LIN52: variants seen among roughly 807,000 people sequenced by gnomAD.
LIN52 encodes the protein lin-52 DREAM MuvB core complex component.
In LIN52, 4 loss-of-function variants were observed where a neutral mutation model predicts 18.5. The ratio of observed to expected loss-of-function variants is 0.22; its 90% CI spans 0.11 to 0.49. The LOEUF is 0.49. LIN52 is among the 20% of genes least tolerant of loss of function. The probability of loss-of-function intolerance (pLI) is 0.97; values close to 1 mark genes in which losing one functional copy is unlikely to be tolerated. For missense variants in LIN52, 102 were observed against 139.5 expected (o/e 0.73, Z 1.35); for synonymous variants, 34 against 45.5 (o/e 0.75, Z 1.02).
At chr14:74,097,750 T>C in intron 3 of LIN52, 44 bp from the exon 4 acceptor site, 1 of 1,409,174 alleles carries the variant, frequency 7.1e-7, no homozygotes, top group Non-Finnish European at 1.0e-6. Flanking sequence ...TAGGGTCTCC[T>C]CACACTTTTT....
chr14:74,160,915 G>A (rs1374926331), intron 5 of LIN52, among the ~76,000 whole-genome samples: 1 of 152,098 alleles, frequency 6.6e-6, no homozygotes, highest in Admixed American at 6.5e-5. Context: ...TTATAATCAG[G>A]TTATTTCATC....
At chr14:74,089,868 T>C (rs376788022) in intron 1 of LIN52, among the ~76,000 whole-genome samples, 37 of 152,260 alleles carry the variant, frequency 2.4e-4, no homozygotes, top group East Asian at 1.5e-3. Flanking sequence ...CTTGTCTGTG[T>C]GCACTCAATC....
At chr14:74,166,353 A>T (rs2061249902) in intron 5 of LIN52, among the ~76,000 whole-genome samples, 2 of 151,756 alleles carry the variant, frequency 1.3e-5, no homozygotes, top group South Asian at 4.2e-4. Context: ...AGTAGCTGGG[A>T]TTATAGACAT....
chr14:74,104,715 A>G lies in LIN52; in HGVS notation c.283+3477A>G, dbSNP rs147513502. 7.4e-3 allele frequency among the ~76,000 whole-genome samples: 1,122 copies of G among 151,820 alleles called. 3 individuals carry two copies. Among genetic ancestry groups the G allele is most frequent in the Non-Finnish European group, 0.012 (810 of 67,946 alleles). On this transcript the variant is annotated intron_variant, in intron 5 of 5. Coordinates refer to ENST00000555028, the MANE Select transcript of LIN52 (RefSeq NM_001024674.3). ...TGGATTCTAGATCTAACTATCAGGA[A>G]ATAAAAAGGGATAGGTGAACATGTT...
intron 2 of LIN52, among the ~76,000 whole-genome samples, chr14:74,092,420 C>T (rs1205978119): frequency 6.7e-6 from 1 of 149,702 alleles, no homozygotes; most frequent in Non-Finnish European, 1.5e-5. Context: ...ATTCTCCTGC[C>T]TCGGCTCCCG....
At chr14:74,098,067 T>C (rs2060827488) in intron 4 of LIN52, among the ~76,000 whole-genome samples, 1 of 152,234 alleles carries the variant, frequency 6.6e-6, no homozygotes, top group East Asian at 1.9e-4. Context: ...TCAGTCATAG[T>C]GAATTCTGCT....
chr14:74,167,737 T>A (rs962245233), intron 5 of LIN52, among the ~76,000 whole-genome samples: 2 of 152,208 alleles, frequency 1.3e-5, no homozygotes, highest in Admixed American at 6.5e-5. Flanking sequence ...GGTCTCACTA[T>A]GTTGCCTAGG....
At chr14:74,168,309 A>G (rs1327420373) in intron 5 of LIN52, among the ~76,000 whole-genome samples, 3 of 152,212 alleles carry the variant, frequency 2.0e-5, no homozygotes, top group African/African-American at 7.2e-5. Flanking sequence ...AACAGTTATT[A>G]CTTATTAATG....
intron 5 of LIN52, among the ~76,000 whole-genome samples, chr14:74,160,145 A>G (rs142315495): frequency 1.4e-3 from 211 of 152,318 alleles, no homozygotes; most frequent in African/African-American, 4.6e-3. Flanking sequence ...CCTCATCCCA[A>G]TATGGCTGAA....
At chr14:74,149,549 T>G (rs1396590324) in intron 5 of LIN52, among the ~76,000 whole-genome samples, 1 of 152,136 alleles carries the variant, frequency 6.6e-6, no homozygotes, top group Non-Finnish European at 1.5e-5. Flanking sequence ...GAGAAATCTT[T>G]GGGGAGGGGT....
At chr14:74,131,533 T>C (rs543027144) in intron 5 of LIN52, among the ~76,000 whole-genome samples, 37 of 152,228 alleles carry the variant, frequency 2.4e-4, no homozygotes, top group African/African-American at 8.9e-4. Context: ...TTGGCCAGGC[T>C]GGTCTCGAAC....
rs1566856483 is a variant in LIN52, at chr14:74,130,278, G to GTTTTTTTTTTGT, written c.283+29050_283+29051insGTTTTTTTTTTT. On this transcript the variant is annotated intron_variant, in intron 5 of 5. Transcript: ENST00000555028. ...GAATTTATTAGATAGGCATTTTTTG[G>GTTTTTTTTTTGT]TTTTTTTTTTTTTTTTTTGAGACAG... Among the ~76,000 whole-genome samples the GTTTTTTTTTTGT allele has an allele frequency of 7.7e-5, 5 of 64,840 alleles. No homozygotes were observed. In the East Asian group the frequency reaches 1.8e-3, roughly 24 times the overall value. The allele number at this position is 64,840 out of a possible 152,430, so 42.5% of individuals were successfully genotyped here.
intron 5 of LIN52, among the ~76,000 whole-genome samples, chr14:74,109,615 G>A (rs1398644884): frequency 1.3e-5 from 2 of 152,212 alleles, no homozygotes; most frequent in East Asian, 3.8e-4. Context: ...GGATGTGTGA[G>A]CTTTCCAACA....
At chr14:74,120,754 CAAAA>C (rs386381782) in intron 5 of LIN52, among the ~76,000 whole-genome samples, 2 of 106,126 alleles carry the variant, frequency 1.9e-5, no homozygotes. Flanking sequence ...GACTCCCTCT[CAAAA>C]AAAAAAAAAA....
At chr14:74,140,081 T>TTC (rs1238624866) in intron 5 of LIN52, among the ~76,000 whole-genome samples, 4 of 151,944 alleles carry the variant, frequency 2.6e-5, no homozygotes, top group African/African-American at 9.7e-5. Flanking sequence ...TAAGAACACT[T>TTC]CAGCAAAAAC....
intron 5 of LIN52, among the ~76,000 whole-genome samples, chr14:74,112,843 A>T (rs1389245410): frequency 6.6e-6 from 1 of 152,198 alleles, no homozygotes; most frequent in Non-Finnish European, 1.5e-5. Flanking sequence ...ACTAAGGTAA[A>T]TGATTCTTAA....
chr14:74,191,856 C>T (rs541408250), intron 5 of LIN52, among the ~76,000 whole-genome samples: 1 of 152,218 alleles, frequency 6.6e-6, no homozygotes, highest in South Asian at 2.1e-4. Flanking sequence ...AGGATGGTCA[C>T]GATCTCCTGA....
intron 5 of LIN52, among the ~76,000 whole-genome samples, chr14:74,140,702 G>T (rs528972530): frequency 6.6e-6 from 1 of 152,288 alleles, no homozygotes; most frequent in East Asian, 1.9e-4. Context: ...CAGCTGTTCT[G>T]CTTTGCCTAA....
At chr14:74,097,543 G>C (rs750495805) in intron 3 of LIN52, among the ~76,000 whole-genome samples, 1 of 149,242 alleles carries the variant, frequency 6.7e-6, no homozygotes, top group Non-Finnish European at 1.5e-5. Flanking sequence ...AGCAATTCTC[G>C]TGCCTCACCC....
Sources: gnomAD v4.1 joint callset for allele counts (sites outside exome capture counted in the v4.1 genomes callset) on GRCh38, gnomAD v4.1.1 for gene constraint, MANE v1.5 for transcripts, NCBI Gene and HGNC (gene_info 2026-07-23, HGNC 2026-07-21) for gene names.